TRIO: variants seen among roughly 807,000 people sequenced by gnomAD.
TRIO encodes trio Rho guanine nucleotide exchange factor, also known as triple functional domain protein.
TRIO carries 58 observed loss-of-function variants against 351.9 expected under a neutral mutation model. The observed-to-expected ratio is 0.16, with a 90% CI of 0.13 to 0.21. The LOEUF (loss-of-function observed/expected upper bound fraction) is 0.21. Among genes scored for constraint, TRIO ranks in the 10% least tolerant of loss-of-function variants. TRIO has a pLI of 1.00. For synonymous variants in TRIO, 1,758 were observed against 1,595.7 expected (o/e 1.10, Z -2.42); for missense variants, 3,201 against 4,027.8 (o/e 0.79, Z 5.56).
rs539503512 is a variant in TRIO at position 14,389,406 on chromosome 5, G to C, written c.4058+8G>C. On this transcript the variant is annotated splice_region_variant and intron_variant, in intron 25 of 56. Coordinates refer to ENST00000344204, the MANE Select transcript of TRIO (RefSeq NM_007118.4). ...CTACGAATTTCATAATAAGTGAGTG[G>C]CTTTTTCTTTGGGAGCAGTTACGCT... The C allele has an allele frequency of 1.3e-6, 2 of 1,598,204 alleles. No individual in the cohort carries two copies. The highest frequency in any genetic ancestry group is 2.7e-5 in the African/African-American group (2 of 74,092).
chr5:14,479,671 A>T (rs1054806371), intron 42 of TRIO, among the ~76,000 whole-genome samples: 2 of 152,084 alleles, frequency 1.3e-5, no homozygotes, highest in Admixed American at 6.5e-5. Flanking sequence ...ATATATATTT[A>T]TATGAATAAA....
intron 1 of TRIO, among the ~76,000 whole-genome samples, chr5:14,227,815 T>C (rs1459301547): frequency 1.3e-5 from 2 of 152,238 alleles, no homozygotes; most frequent in African/African-American, 4.8e-5. Context: ...AGCATTGTTC[T>C]TTAGTCTCAA....
At chr5:14,261,213 C>G (rs896503277) in intron 1 of TRIO, among the ~76,000 whole-genome samples, 1 of 152,198 alleles carries the variant, frequency 6.6e-6, no homozygotes, top group Non-Finnish European at 1.5e-5. Flanking sequence ...AATGTATAGA[C>G]TGTCTGGAAC....
At chr5:14,351,746 A>G (rs993692752) in intron 11 of TRIO, among the ~76,000 whole-genome samples, 2 of 152,190 alleles carry the variant, frequency 1.3e-5, no homozygotes, top group Non-Finnish European at 2.9e-5. Context: ...CCCTCCTTCC[A>G]TACCCCACCT....
At chr5:14,408,027 C>T (rs1748874015) in intron 33 of TRIO, among the ~76,000 whole-genome samples, 1 of 152,214 alleles carries the variant, frequency 6.6e-6, no homozygotes, top group Admixed American at 6.5e-5. Context: ...CCTTTGTCCC[C>T]ATCATGAGAC....
At chr5:14,421,120 G>A (rs1193194972) in intron 34 of TRIO, among the ~76,000 whole-genome samples, 1 of 152,028 alleles carries the variant, frequency 6.6e-6, no homozygotes, top group Non-Finnish European at 1.5e-5. Flanking sequence ...TTACCAAGAA[G>A]GTGTTTCTTA....
At chr5:14,202,065 T>A (rs1195935339) in intron 1 of TRIO, among the ~76,000 whole-genome samples, 1 of 151,288 alleles carries the variant, frequency 6.6e-6, no homozygotes, top group Non-Finnish European at 1.5e-5. Context: ...CATGTATACA[T>A]ATGTAACAAA....
intron 6 of TRIO, among the ~76,000 whole-genome samples, chr5:14,295,603 C>T (rs1737292044): frequency 6.6e-6 from 1 of 152,216 alleles, no homozygotes; most frequent in Non-Finnish European, 1.5e-5. Flanking sequence ...TCCTAACAGA[C>T]CTGTCGGACT....
At chr5:14,478,088 G>A (rs773555315) in intron 41 of TRIO, among the ~76,000 whole-genome samples, 8 of 151,818 alleles carry the variant, frequency 5.3e-5, no homozygotes, top group Non-Finnish European at 7.4e-5. Flanking sequence ...AAAAATGGTG[G>A]TCCATAAAAA....
At chr5:14,255,403 T>C (rs1315227307) in intron 1 of TRIO, among the ~76,000 whole-genome samples, 4 of 152,192 alleles carry the variant, frequency 2.6e-5, no homozygotes, top group Non-Finnish European at 5.9e-5. Context: ...CTTACAAGAT[T>C]GCCAAAATAA....
intron 9 of TRIO, among the ~76,000 whole-genome samples, chr5:14,328,714 A>G (rs188970756): frequency 6.6e-6 from 1 of 152,360 alleles, no homozygotes; most frequent in Non-Finnish European, 1.5e-5. Flanking sequence ...AATGCTGACA[A>G]CTACCTGTGA....
intron 1 of TRIO, among the ~76,000 whole-genome samples, chr5:14,268,636 G>A (rs1339845289): frequency 6.6e-6 from 1 of 152,224 alleles, no homozygotes; most frequent in African/African-American, 2.4e-5. Context: ...CAAACAGATA[G>A]GGATCTACAG....
chr5:14,360,633 G>T (rs935451051), intron 13 of TRIO, among the ~76,000 whole-genome samples: 1 of 152,230 alleles, frequency 6.6e-6, no homozygotes, highest in Non-Finnish European at 1.5e-5. Flanking sequence ...CAGTCACCTC[G>T]GTACAGGAGG....
At position 14,297,161 on chromosome 5, in the gene TRIO, C is replaced by T. The variant is rs758317514; in HGVS notation, c.1266C>T (p.Ile422=). 1.5e-5 allele frequency: 25 copies of T among 1,614,102 alleles called. No individual in the cohort carries two copies. Among genetic ancestry groups the T allele is most frequent in the African/African-American group, 5.3e-5 (4 of 74,944 alleles). The change falls in exon 7 of 57, where the codon ATC becomes ATT. Residue 422 remains isoleucine (I), a synonymous_variant. Coordinates refer to ENST00000344204, the MANE Select transcript of TRIO (RefSeq NM_007118.4). ...GHYASQQIRQ[I]ASQLEQEWKA... is the part of the protein sequence containing the mutation. ...ATGCCTCGCAGCAGATCAGGCAGAT[C>T]GCGAGTCAGCTGGAGCAGGAGTGGA...
intron 3 of TRIO, among the ~76,000 whole-genome samples, chr5:14,284,214 A>G (rs973573090): frequency 4.2e-4 from 64 of 152,126 alleles, no homozygotes; most frequent in Non-Finnish European, 8.5e-4. Flanking sequence ...TCTTTATCTC[A>G]CAGATAAACA....
intron 37 of TRIO, chr5:14,465,857 A>T: frequency 1.8e-6 from 1 of 568,222 alleles, no homozygotes; most frequent in Admixed American, 2.9e-5. Flanking sequence ...GTGTATTCCC[A>T]TGAAAGGACA....
chr5:14,496,413 G>A (rs1044983593), intron 49 of TRIO, among the ~76,000 whole-genome samples: 2 of 152,228 alleles, frequency 1.3e-5, no homozygotes, highest in Non-Finnish European at 2.9e-5. Context: ...GGCTGAGCCT[G>A]AAGACAGTCT....
chr5:14,292,525 A>G (rs1440657001), intron 5 of TRIO, among the ~76,000 whole-genome samples: 1 of 152,226 alleles, frequency 6.6e-6, no homozygotes, highest in Non-Finnish European at 1.5e-5. Context: ...TGCAATCTGC[A>G]CAGGTGTCTG....
chr5:14,486,080 C>A (rs1755896798), intron 47 of TRIO, among the ~76,000 whole-genome samples: 1 of 152,158 alleles, frequency 6.6e-6, no homozygotes, highest in Non-Finnish European at 1.5e-5. Context: ...CGTGGCCACA[C>A]TACCCTTCCA....
Sources: allele counts gnomAD v4.1 joint callset (sites outside exome capture counted in the v4.1 genomes callset), GRCh38; gene constraint gnomAD v4.1.1; transcripts MANE v1.5; gene names NCBI Gene and HGNC (gene_info 2026-07-23, HGNC 2026-07-21).